ADAMTS14: variants seen among roughly 807,000 people sequenced by gnomAD.
ADAMTS14 encodes ADAM metallopeptidase with thrombospondin type 1 motif 14, also known as A disintegrin and metalloproteinase with thrombospondin motifs 14.
ADAMTS14 carries 100 observed loss-of-function variants against 128.6 expected under a neutral mutation model. The observed-to-expected ratio is 0.78, with a 90% CI of 0.66 to 0.92. The LOEUF is 0.92. ADAMTS14 is among the 40% of genes least tolerant of loss of function. ADAMTS14 has a pLI of 0.00. For synonymous variants in ADAMTS14, 665 were observed against 653.8 expected (o/e 1.02, Z -0.26); for missense variants, 1,562 against 1,658.6 (o/e 0.94, Z 1.01).
At chr10:70,681,634 G>T (rs895252785) in intron 2 of ADAMTS14, among the ~76,000 whole-genome samples, 9 of 152,198 alleles carry the variant, frequency 5.9e-5, no homozygotes. Flanking sequence ...CTTGCCCCGG[G>T]GGCTGCTCTT....
chr10:70,689,492 C>T (rs372157502), intron 2 of ADAMTS14, among the ~76,000 whole-genome samples: 2 of 145,134 alleles, frequency 1.4e-5, no homozygotes, highest in African/African-American at 4.9e-5. Flanking sequence ...ACAGCAGGGG[C>T]GAAGGCGCGG....
In ADAMTS14 at chr10:70,729,303, A is replaced by T; in HGVS notation, c.880A>T (p.Ile294Phe). ...TATTTTCTTCTTGCAGGTAGATGAG[A>T]TTTACCACGATGAGTCCCTGGGGGT... ...VLTLMNIVDEIYHDESLGVHI... is the reference protein window; with the variant it reads ...VLTLMNIVDEFYHDESLGVHI... The change falls in exon 5 of 22, where the codon ATT (isoleucine) becomes TTT (phenylalanine). Residue 294 changes from isoleucine (I) to phenylalanine (F), a missense_variant. Transcript: ENST00000373207. The T allele has an allele frequency of 1.2e-6, 2 of 1,613,640 alleles. No homozygotes were observed. Among genetic ancestry groups the T allele is most frequent in the Non-Finnish European group, 1.7e-6 (2 of 1,179,748 alleles).
At chr10:70,684,045 T>C (rs371989692) in intron 2 of ADAMTS14, among the ~76,000 whole-genome samples, 30 of 152,038 alleles carry the variant, frequency 2.0e-4, no homozygotes, top group African/African-American at 6.3e-4. Flanking sequence ...ACAGGAAGCA[T>C]AGCGGCTTCC....
chr10:70,692,197 G>T (rs1840211487), intron 2 of ADAMTS14, among the ~76,000 whole-genome samples: 1 of 152,172 alleles, frequency 6.6e-6, no homozygotes, highest in African/African-American at 2.4e-5. Context: ...GGCTGCTGTT[G>T]CCTCCTGGAA....
chr10:70,739,008 G>T lies in ADAMTS14; in HGVS notation c.1748+18G>T. ...AACCCCTCGTGAGTGTGCTTGGCTAGGGTGGGGAGGGCAGGGAGTCCCTCC... is the reference window on the plus strand; with the variant it reads ...AACCCCTCGTGAGTGTGCTTGGCTATGGTGGGGAGGGCAGGGAGTCCCTCC... On this transcript the variant is annotated intron_variant, in intron 11 of 21. Transcript: ENST00000373207. 6.3e-7 allele frequency: 1 copy of T among 1,590,252 alleles called. No homozygotes were observed. Among genetic ancestry groups the T allele is most frequent in the South Asian group, 1.1e-5 (1 of 87,158 alleles).
At chr10:70,678,985 G>T (rs545038626) in intron 2 of ADAMTS14, among the ~76,000 whole-genome samples, 2 of 152,188 alleles carry the variant, frequency 1.3e-5, no homozygotes, top group African/African-American at 2.4e-5. Context: ...CCTTCTGGGT[G>T]TCCTAGCTGT....
chr10:70,714,816 T>TGG (rs1163069468), intron 4 of ADAMTS14, among the ~76,000 whole-genome samples: 2 of 151,296 alleles, frequency 1.3e-5, no homozygotes, highest in Non-Finnish European at 3.0e-5. Context: ...GGTGTGGTGG[T>TGG]GCGCCTGTAG....
Position 70,749,793 on chromosome 10 carries a change from C to A in ADAMTS14, c.2264-29C>A, listed in dbSNP as rs766406155. ...GCCCCCTGTGGAGAGGAGCAGAAAT[C>A]TGTGTGACCCTCTCCCCCCACCGGT... On this transcript the variant is annotated intron_variant, in intron 15 of 21. Coordinates refer to ENST00000373207, the MANE Select transcript of ADAMTS14 (RefSeq NM_080722.4). 3.1e-6 allele frequency: 5 copies of A among 1,608,222 alleles called. No homozygotes were observed. The East Asian group carries it at 9.0e-5, about 29-fold the overall frequency.
chr10:70,732,679 G>T (rs1052003064), intron 7 of ADAMTS14, among the ~76,000 whole-genome samples: 4 of 152,314 alleles, frequency 2.6e-5, no homozygotes, highest in Admixed American at 2.0e-4. Context: ...CACACGCAGA[G>T]GCCTGCTCTC....
At chr10:70,712,214 G>T (rs1752497607) in intron 4 of ADAMTS14, among the ~76,000 whole-genome samples, 1 of 152,062 alleles carries the variant, frequency 6.6e-6, no homozygotes, top group South Asian at 2.1e-4. Flanking sequence ...GCCAGGTTTG[G>T]CCCCTGGAGC....
At chr10:70,707,563 A>G (rs59105642) in intron 3 of ADAMTS14, among the ~76,000 whole-genome samples, 33,597 of 152,092 alleles carry the variant, frequency 0.22, 4,308 homozygotes, top group Non-Finnish European at 0.29. Context: ...CATTCAGGCT[A>G]TAGCATAGAT....
At chr10:70,740,956 A>G in intron 11 of ADAMTS14, 31 bp from the exon 12 acceptor site, 1 of 1,606,160 alleles carries the variant, frequency 6.2e-7, no homozygotes, top group East Asian at 2.2e-5. Context: ...CCCAGCCAGC[A>G]AGGTCATCCA....
intron 2 of ADAMTS14, among the ~76,000 whole-genome samples, chr10:70,681,966 C>T (rs754103660): frequency 2.2e-4 from 34 of 152,360 alleles, no homozygotes; most frequent in Non-Finnish European, 4.1e-4. Flanking sequence ...TGGCTGTCCC[C>T]GCCCCTGCCC....
chr10:70,744,197 G>A lies in ADAMTS14; in HGVS notation c.2182+8G>A, dbSNP rs1448575475. The A allele has an allele frequency of 8.6e-6, 13 of 1,511,116 alleles. No homozygotes were observed. Among genetic ancestry groups the A allele is most frequent in the East Asian group, 7.5e-5 (3 of 40,126 alleles). The allele number at this position is 1,511,116 out of a possible 1,614,324, so 93.6% of individuals were successfully genotyped here. On this transcript the variant is annotated splice_region_variant and intron_variant, in intron 14 of 21. Coordinates refer to ENST00000373207, the MANE Select transcript of ADAMTS14 (RefSeq NM_080722.4). Reference sequence around the variant, plus strand: ...AGGCCTCCAAGCAGGCAGGTGAGCCGGGCTGGGGCTGGGGGGATGACGAGG... The same window carrying A: ...AGGCCTCCAAGCAGGCAGGTGAGCCAGGCTGGGGCTGGGGGGATGACGAGG...
intron 12 of ADAMTS14, among the ~76,000 whole-genome samples, chr10:70,742,217 G>A (rs1842021919): frequency 6.6e-6 from 1 of 152,214 alleles, no homozygotes; most frequent in African/African-American, 2.4e-5. Flanking sequence ...TGCCCAGAGA[G>A]CTTCCGTTGC....
chr10:70,690,528 G>A (rs1002749693), intron 2 of ADAMTS14, among the ~76,000 whole-genome samples: 1 of 145,290 alleles, frequency 6.9e-6, no homozygotes, highest in East Asian at 1.9e-4. Context: ...GTCCCTCATC[G>A]GCAGCTCACT....
rs375328174 is a variant in ADAMTS14 at position 70,745,342 on chromosome 10, C to T, written c.2263+36C>T. The T allele has an allele frequency of 3.8e-5, 61 of 1,607,928 alleles. No individual in the cohort carries two copies. The African/African-American group carries it at 7.5e-4, about 20-fold the overall frequency. ...GGGTGCTGGGAGGGGACAGCAGGGCCCCAGGCCCTGCCCTCTGACTTGGGG... is the reference window on the plus strand; with the variant it reads ...GGGTGCTGGGAGGGGACAGCAGGGCTCCAGGCCCTGCCCTCTGACTTGGGG... On this transcript the variant is annotated intron_variant, in intron 15 of 21. Coordinates refer to ENST00000373207, the MANE Select transcript of ADAMTS14 (RefSeq NM_080722.4).
At position 70,762,324 on chromosome 10, in the gene ADAMTS14, G is replaced by A. The variant is rs1842629067; in HGVS notation, c.*1471G>A. On this transcript the variant is annotated 3_prime_UTR_variant, in exon 22 of 22. Transcript: ENST00000373207. ...TGCCCTCCCCTCCCTGGGATGCTGG[G>A]GCACACGCGGAGTCATTCCTGTGAG... 6.6e-6 allele frequency: 1 copy of A among 152,276 alleles called. No homozygotes were observed. Among genetic ancestry groups the A allele is most frequent in the Non-Finnish European group, 1.5e-5 (1 of 68,100 alleles). The allele number at this position is 152,276 out of a possible 1,614,324, so 9.4% of individuals were successfully genotyped here. A position where few individuals can be genotyped will look rare whatever the true frequency, so the allele number is the denominator to read the frequency against.
rs1045996844 is a variant in ADAMTS14 at position 70,745,229 on chromosome 10, C to A, written c.2186C>A (p.Ala729Asp). The A allele has an allele frequency of 6.2e-7, 1 of 1,611,266 alleles. No homozygotes were observed. The highest frequency in any genetic ancestry group is 1.3e-5 in the African/African-American group (1 of 74,802). ...TLGKASKQAGALKLVQIPAGA... is the reference protein window; with the variant it reads ...TLGKASKQAGDLKLVQIPAGA... The stretch of plus-strand genomic sequence containing the variant: ...TCTGGATCCCTGTGTGTGGCAGGAG[C>A]TCTCAAGCTGGTGCAGATCCCAGCA... The change falls in exon 15 of 22, where the codon GCT becomes GAT. Residue 729 changes from alanine to aspartate, a missense_variant. By Grantham distance (126) the Ala-to-Asp change is moderately radical. Transcript: ENST00000373207.
Sources: gnomAD v4.1 joint callset for allele counts (sites outside exome capture counted in the v4.1 genomes callset) on GRCh38, gnomAD v4.1.1 for gene constraint, MANE v1.5 for transcripts, NCBI Gene and HGNC (gene_info 2026-07-23, HGNC 2026-07-21) for gene names.